The following CCDC192 variants were observed in gnomAD, a reference collection of about 807,000 sequenced individuals.
CCDC192 encodes coiled-coil domain-containing protein 192.
chr5:127,921,042 AAAGGAGGAAGGAGG>A (rs1183097261), intron 6 of CCDC192, among the ~76,000 whole-genome samples: 1 of 148,930 alleles, frequency 6.7e-6, no homozygotes, highest in Admixed American at 6.6e-5. Context: ...GTTGGAAAGG[AAAGGAGGAAGGAGG>A]AAGGAGGAAG....
intron 5 of CCDC192, among the ~76,000 whole-genome samples, chr5:127,809,246 T>C (rs906116353): frequency 1.1e-4 from 16 of 152,158 alleles, no homozygotes; most frequent in Admixed American, 9.2e-4. Context: ...TAGTTGTATT[T>C]TTAAAAAGCA....
chr5:127,784,447 G>GAGCAGTTCC (rs1353233758), intron 3 of CCDC192, among the ~76,000 whole-genome samples: 3 of 152,178 alleles, frequency 2.0e-5, no homozygotes, highest in Non-Finnish European at 2.9e-5. Flanking sequence ...TATCTATCCT[G>GAGCAGTTCC]AGCAGTTCCA....
At chr5:127,775,655 T>A (rs570745666) in intron 3 of CCDC192, among the ~76,000 whole-genome samples, 17 of 152,354 alleles carry the variant, frequency 1.1e-4, no homozygotes, top group Admixed American at 3.3e-4. Context: ...CTTTTGTGTG[T>A]TTATCTTTGA....
At chr5:127,760,731 T>C (rs1318090389) in intron 3 of CCDC192, among the ~76,000 whole-genome samples, 1 of 132,758 alleles carries the variant, frequency 7.5e-6, no homozygotes, top group African/African-American at 2.9e-5. Context: ...AAAAGGAAAG[T>C]TTTAGGAAGA....
At chr5:127,850,037 T>C (rs1254270344) in intron 5 of CCDC192, among the ~76,000 whole-genome samples, 2 of 152,188 alleles carry the variant, frequency 1.3e-5, no homozygotes, top group African/African-American at 2.4e-5. Flanking sequence ...TGTAAAGCAA[T>C]AGTAGTTTAT....
intron 3 of CCDC192, among the ~76,000 whole-genome samples, chr5:127,783,532 T>TG (rs1363668177): frequency 6.6e-6 from 1 of 152,228 alleles, no homozygotes; most frequent in African/African-American, 2.4e-5. Context: ...GCTCATTTTG[T>TG]GGCCTATTAT....
chr5:127,905,199 G>A (rs1337495683), intron 6 of CCDC192, among the ~76,000 whole-genome samples: 1 of 152,186 alleles, frequency 6.6e-6, no homozygotes, highest in Non-Finnish European at 1.5e-5. Flanking sequence ...ATCCTGATGA[G>A]TTAGAATAAG....
intron 6 of CCDC192, among the ~76,000 whole-genome samples, chr5:127,914,278 G>A (rs1009431806): frequency 1.3e-5 from 2 of 152,106 alleles, no homozygotes; most frequent in African/African-American, 2.4e-5. Context: ...CTTCTATACT[G>A]TCTGCCCTGA....
intron 3 of CCDC192, among the ~76,000 whole-genome samples, chr5:127,775,496 C>T (rs552144878): frequency 1.3e-5 from 2 of 152,312 alleles, no homozygotes; most frequent in South Asian, 4.2e-4. Flanking sequence ...CTGTGTGCCC[C>T]CTGTGGTGTA....
chr5:127,798,301 G>A (rs1361437908), intron 5 of CCDC192, 139 bp downstream of exon 5: 1 of 389,304 alleles, frequency 2.6e-6, no homozygotes, highest in Admixed American at 4.4e-5. Flanking sequence ...TATTTTTACT[G>A]CGTCTACACA....
intron 2 of CCDC192, among the ~76,000 whole-genome samples, 155 bp downstream of exon 2, chr5:127,707,915 T>C (rs1751064378): frequency 6.6e-6 from 1 of 152,156 alleles, no homozygotes; most frequent in Non-Finnish European, 1.5e-5. Flanking sequence ...AAAGTTGTTT[T>C]CCAAGTAGAA....
intron 6 of CCDC192, among the ~76,000 whole-genome samples, chr5:127,887,969 C>G (rs1322871341): frequency 6.6e-6 from 1 of 152,074 alleles, no homozygotes; most frequent in Non-Finnish European, 1.5e-5. Context: ...TCCCAAAGTG[C>G]TGGGATTACA....
chr5:127,720,915 G>A (rs1355369435), intron 2 of CCDC192, among the ~76,000 whole-genome samples: 1 of 152,210 alleles, frequency 6.6e-6, no homozygotes, highest in Non-Finnish European at 1.5e-5. Flanking sequence ...ATGTCCTGAG[G>A]CTGTACAGAG....
chr5:127,783,202 G>A (rs1756342840), intron 3 of CCDC192, among the ~76,000 whole-genome samples: 1 of 151,954 alleles, frequency 6.6e-6, no homozygotes, highest in South Asian at 2.1e-4. Context: ...CACCATCTTG[G>A]CAAGGATGGT....
At chr5:127,925,605 A>T (rs991702335) in intron 6 of CCDC192, among the ~76,000 whole-genome samples, 14 of 152,240 alleles carry the variant, frequency 9.2e-5, no homozygotes, top group Non-Finnish European at 1.6e-4. Context: ...GCACAAAAAA[A>T]GTTGATAAAA....
At chr5:127,719,644 T>G (rs376981299) in intron 2 of CCDC192, among the ~76,000 whole-genome samples, 1 of 150,266 alleles carries the variant, frequency 6.7e-6, no homozygotes. Context: ...CCTGTATTAG[T>G]CCATTCTCAC....
chr5:127,751,996 T>A (rs1368994810), intron 2 of CCDC192, among the ~76,000 whole-genome samples: 2 of 152,002 alleles, frequency 1.3e-5, no homozygotes, highest in Non-Finnish European at 2.9e-5. Flanking sequence ...CTGTATTGGT[T>A]ATTCTAGTTA....
At chr5:127,874,411 T>C (rs1751983487) in intron 5 of CCDC192, among the ~76,000 whole-genome samples, 1 of 152,128 alleles carries the variant, frequency 6.6e-6, no homozygotes, top group African/African-American at 2.4e-5. Context: ...ATCATCCAGA[T>C]GATGTATGTA....
chr5:127,780,421 T>C (rs1415795238), intron 3 of CCDC192, among the ~76,000 whole-genome samples: 2 of 152,236 alleles, frequency 1.3e-5, no homozygotes, highest in Non-Finnish European at 2.9e-5. Context: ...GTGGTTGTAC[T>C]AATTTACATT....
Sources: allele counts gnomAD v4.1 joint callset (sites outside exome capture counted in the v4.1 genomes callset), GRCh38; gene constraint gnomAD v4.1.1; transcripts MANE v1.5; gene names NCBI Gene and HGNC (gene_info 2026-07-23, HGNC 2026-07-21).